The following ARHGAP8 variants were observed in gnomAD, a reference collection of about 807,000 sequenced individuals.
ARHGAP8 encodes Rho GTPase activating protein 8, also known as rho GTPase-activating protein 8.
A neutral mutation model predicts 46.1 loss-of-function variants in ARHGAP8; 62 were observed. The observed-to-expected ratio is 1.34, with a 90% confidence interval of 1.10 to 1.66. The LOEUF is 1.66. Ranked by LOEUF, ARHGAP8 falls within the 40% of genes most tolerant of loss-of-function variation. The pLI is 0.00. For synonymous variants in ARHGAP8, 375 were observed against 243.1 expected (o/e 1.54, Z -5.05); for missense variants, 923 against 568.4 (o/e 1.62, Z -6.34).
chr22:44,847,014 A>C (rs1007402671), intron 8 of ARHGAP8, among the ~76,000 whole-genome samples: 11 of 152,138 alleles, frequency 7.2e-5, no homozygotes, highest in Non-Finnish European at 1.3e-4. Context: ...TGGCTGTGGG[A>C]GTGCGGGAGC....
At chr22:44,784,585 G>A (rs975341379) in intron 1 of ARHGAP8, among the ~76,000 whole-genome samples, 1 of 152,228 alleles carries the variant, frequency 6.6e-6, no homozygotes, top group Admixed American at 6.5e-5. Flanking sequence ...GGTATCCCTG[G>A]GGGGTCCTGG....
intron 11 of ARHGAP8, among the ~76,000 whole-genome samples, chr22:44,860,853 C>G (rs1312769961): frequency 6.6e-6 from 1 of 152,216 alleles, no homozygotes. Flanking sequence ...AGGCCTTCGC[C>G]CCAGGCTGTG....
In ARHGAP8 at chr22:44,814,777, G is replaced by C; in HGVS notation, c.386+19G>C. On this transcript the variant is annotated intron_variant, in intron 5 of 11. Coordinates refer to ENST00000356099, the MANE Select transcript of ARHGAP8 (RefSeq NM_181335.3). ...TCATCAGGTATGCGTCACTCTGGGA[G>C]AGGACCTCGCTGGGGTTGGAGGTTT... 1.9e-6 allele frequency: 3 copies of C among 1,613,240 alleles called. No individual in the cohort carries two copies. Among genetic ancestry groups the C allele is most frequent in the Non-Finnish European group, 2.5e-6 (3 of 1,179,618 alleles).
chr22:44,833,076 TTTTTCTTTTC>T (rs61552450), intron 7 of ARHGAP8, among the ~76,000 whole-genome samples: 1 of 130,178 alleles, frequency 7.7e-6, no homozygotes. Flanking sequence ...AGAACCATCT[TTTTTCTTTTC>T]TTTTCTTTTC....
At chr22:44,822,601 C>A in intron 6 of ARHGAP8, 132 bp downstream of exon 6, 1 of 775,738 alleles carries the variant, frequency 1.3e-6, no homozygotes, top group Non-Finnish European at 1.9e-6. Flanking sequence ...CAGAAATCTG[C>A]GGCATCGACA....
At chr22:44,826,726 A>G (rs1930548705) in intron 7 of ARHGAP8, among the ~76,000 whole-genome samples, 1 of 152,106 alleles carries the variant, frequency 6.6e-6, no homozygotes. Flanking sequence ...GCACCTGGCC[A>G]CCCAGGGTAG....
chr22:44,807,222 G>A (rs568130416), intron 3 of ARHGAP8, among the ~76,000 whole-genome samples: 8 of 152,290 alleles, frequency 5.3e-5, no homozygotes, highest in South Asian at 2.1e-4. Flanking sequence ...TGGCCTGACC[G>A]GCTCAGTGTC....
chr22:44,776,703 T>A (rs1391005408), intron 1 of ARHGAP8, among the ~76,000 whole-genome samples: 1 of 152,158 alleles, frequency 6.6e-6, no homozygotes, highest in Non-Finnish European at 1.5e-5. Flanking sequence ...CACTGGGCAC[T>A]CCGGGAGGAT....
chr22:44,853,703 A>G (rs528820850), intron 10 of ARHGAP8, among the ~76,000 whole-genome samples: 81 of 152,258 alleles, frequency 5.3e-4, no homozygotes, highest in Non-Finnish European at 1.1e-3. Context: ...ACTTTTTAAA[A>G]GCCTCTTGAG....
chr22:44,849,811 A>G (rs142199948), intron 10 of ARHGAP8: 3 of 152,290 alleles, frequency 2.0e-5, no homozygotes, highest in Non-Finnish European at 2.9e-5. Flanking sequence ...CTTAAAATCA[A>G]TGTTTCTACC....
intron 1 of ARHGAP8, among the ~76,000 whole-genome samples, chr22:44,759,245 C>T (rs1924934167): frequency 6.6e-6 from 1 of 152,136 alleles, no homozygotes; most frequent in Admixed American, 6.5e-5. Context: ...AGACGTGAGT[C>T]AGACATGGCC....
intron 10 of ARHGAP8, among the ~76,000 whole-genome samples, chr22:44,857,351 A>G (rs1437114135): frequency 6.6e-6 from 1 of 152,124 alleles, no homozygotes; most frequent in Non-Finnish European, 1.5e-5. Context: ...CCATGACTAG[A>G]AACTGCAGGG....
At chr22:44,790,644 C>G (rs1365497561) in intron 2 of ARHGAP8, among the ~76,000 whole-genome samples, 1 of 136,748 alleles carries the variant, frequency 7.3e-6, no homozygotes, top group Non-Finnish European at 1.5e-5. Flanking sequence ...CCATTGCACT[C>G]CAGCCTGGAC....
rs138791404 is a variant in ARHGAP8 at position 44,766,683 on chromosome 22, G to T, written c.-72+14056G>T. Reference sequence around the variant, plus strand: ...ACCCTTCCGGGGGCTCTCTCTGGGGGTCTTTGCTGCCCTTTCTTCCTTCCT... The same window carrying T: ...ACCCTTCCGGGGGCTCTCTCTGGGGTTCTTTGCTGCCCTTTCTTCCTTCCT... On this transcript the variant is annotated intron_variant, in intron 1 of 11. Transcript: ENST00000356099. 2.3e-3 allele frequency among the ~76,000 whole-genome samples: 346 copies of T among 152,262 alleles called. 3 individuals carry two copies. The highest frequency in any genetic ancestry group is 3.9e-3 in the Non-Finnish European group (266 of 68,010).
At chr22:44,851,711 A>G (rs893136185) in intron 10 of ARHGAP8, among the ~76,000 whole-genome samples, 37 of 152,040 alleles carry the variant, frequency 2.4e-4, no homozygotes, top group African/African-American at 8.9e-4. Flanking sequence ...TTGGTAGTGT[A>G]TGCCTGTAGT....
intron 1 of ARHGAP8, among the ~76,000 whole-genome samples, chr22:44,779,097 CTTTTTTTT>C (rs532665716): frequency 3.8e-5 from 1 of 26,110 alleles, no homozygotes; most frequent in South Asian, 1.1e-3. Flanking sequence ...TGGTCTCTGA[CTTTTTTTT>C]TTTTTTTTTT....
chr22:44,862,580 C>G lies in ARHGAP8; in HGVS notation c.1287C>G (p.Ala429=), dbSNP rs553805142. Residue 429 remains alanine (A), a synonymous_variant, in exon 12 of 12, where the codon GCC becomes GCG. Coordinates refer to ENST00000356099, the MANE Select transcript of ARHGAP8 (RefSeq NM_181335.3). ...PTLPPSPLMA[A]RRRL is the part of the protein sequence containing the mutation. ...TACCTCCGAGTCCCCTGATGGCAGC[C>G]AGAAGACGTCTCTAGTGTTGCGAAC... The G allele has an allele frequency of 1.9e-6, 3 of 1,585,078 alleles. No homozygotes were observed. The highest frequency in any genetic ancestry group is 1.7e-6 in the Non-Finnish European group (2 of 1,160,230).
Position 44,862,672 on chromosome 22 carries a change from C to T in ARHGAP8, c.*77C>T, listed in dbSNP as rs1301248737. 6 of 1,468,074 alleles carry T rather than the reference C, an allele frequency of 4.1e-6. No individual in the cohort carries two copies. Among genetic ancestry groups the T allele is most frequent in the East Asian group, 2.3e-5 (1 of 42,740 alleles). The allele number at this position is 1,468,074 out of a possible 1,614,324, so 90.9% of individuals were successfully genotyped here. A position where few individuals can be genotyped will look rare whatever the true frequency, so the allele number is the denominator to read the frequency against. The stretch of plus-strand genomic sequence containing the variant: ...CTTGTATGTTTTGTAAACTTGGCAT[C>T]TGTAAAAATAACCAGCCATTAGATG... On this transcript the variant is annotated 3_prime_UTR_variant, in exon 12 of 12. Coordinates refer to ENST00000356099, the MANE Select transcript of ARHGAP8 (RefSeq NM_181335.3).
intron 10 of ARHGAP8, among the ~76,000 whole-genome samples, chr22:44,856,670 A>C (rs1006358411): frequency 6.9e-6 from 1 of 144,510 alleles, no homozygotes; most frequent in Non-Finnish European, 1.5e-5. Flanking sequence ...ACACAAAACA[A>C]GACGAAAGGA....
Sources: allele counts gnomAD v4.1 joint callset (sites outside exome capture counted in the v4.1 genomes callset), GRCh38; gene constraint gnomAD v4.1.1; transcripts MANE v1.5; gene names NCBI Gene and HGNC (gene_info 2026-07-23, HGNC 2026-07-21).